RSPO2: variants seen among roughly 807,000 people sequenced by gnomAD.
The protein encoded by RSPO2 is R-spondin-2.
In RSPO2, 14 loss-of-function variants were observed where a neutral mutation model predicts 30.9. The ratio of observed to expected loss-of-function variants is 0.45; its 90% confidence interval spans 0.30 to 0.71. The LOEUF (loss-of-function observed/expected upper bound fraction) is 0.71, where lower values mean the gene tolerates loss of function less well. Ranked by LOEUF, RSPO2 falls within the 30% of genes least tolerant of loss-of-function variation. RSPO2 has a pLI of 0.08. For missense variants in RSPO2, 264 were observed against 301.9 expected (o/e 0.87, Z 0.93); for synonymous variants, 107 against 96.4 (o/e 1.11, Z -0.64).
At chr8:107,915,792 T>C (rs1447757561) in intron 5 of RSPO2, among the ~76,000 whole-genome samples, 2 of 152,140 alleles carry the variant, frequency 1.3e-5, no homozygotes, top group African/African-American at 4.8e-5. Flanking sequence ...TGTATTTTGC[T>C]AGGATGAAAA....
rs897481951 is a variant in RSPO2, at chr8:107,909,014, C to T, written c.617-7824G>A. Among the ~76,000 whole-genome samples, 5 of 152,248 alleles carry T rather than the reference C, an allele frequency of 3.3e-5. No homozygotes were observed. In the South Asian group the frequency reaches 6.2e-4, roughly 19 times the overall value. ...GGGTGAAAGCTGTTTGGTGGTGATT[C>T]CTGACAAGTTGGCCTTCCAGCACCA... is the stretch of plus-strand genomic sequence containing the variant. On this transcript the variant is annotated intron_variant, in intron 5 of 5. Transcript: ENST00000276659.
intron 2 of RSPO2, among the ~76,000 whole-genome samples, chr8:108,008,589 T>C (rs913165886): frequency 7.9e-5 from 12 of 152,174 alleles, no homozygotes; most frequent in Non-Finnish European, 5.9e-5. Flanking sequence ...GGCATAAAAA[T>C]ATTGATGTCA....
At chr8:108,025,621 G>GCTC (rs1160762450) in intron 2 of RSPO2, among the ~76,000 whole-genome samples, 1 of 152,006 alleles carries the variant, frequency 6.6e-6, no homozygotes, top group African/African-American at 2.4e-5. Context: ...AACCTCCTAG[G>GCTC]CTCTAGCAAT....
chr8:107,972,290 T>A (rs1814027396), intron 3 of RSPO2, among the ~76,000 whole-genome samples: 1 of 151,848 alleles, frequency 6.6e-6, no homozygotes, highest in Non-Finnish European at 1.5e-5. Flanking sequence ...GGATTACAGG[T>A]GCCTGCCACC....
intron 5 of RSPO2, among the ~76,000 whole-genome samples, chr8:107,921,393 T>A (rs1204345970): frequency 1.3e-5 from 2 of 152,082 alleles, no homozygotes; most frequent in African/African-American, 4.8e-5. Flanking sequence ...TAAGTTTCTG[T>A]ACTGTCTAGA....
chr8:108,082,012 C>G (rs1813214662), intron 2 of RSPO2: 1 of 691,352 alleles, frequency 1.4e-6, no homozygotes, highest in Non-Finnish European at 1.8e-6. Context: ...ACTTGGTACC[C>G]CTCCCAAGCT....
At chr8:108,069,261 T>G (rs1812768259) in intron 2 of RSPO2, among the ~76,000 whole-genome samples, 1 of 152,140 alleles carries the variant, frequency 6.6e-6, no homozygotes, top group Non-Finnish European at 1.5e-5. Context: ...TTGCCCAGGC[T>G]GGAGTGCAGT....
rs563089176 is a variant in RSPO2 at position 108,023,202 on chromosome 8, C to T, written c.95-33958G>A. 3.3e-5 allele frequency among the ~76,000 whole-genome samples: 5 copies of T among 152,264 alleles called. No individual in the cohort carries two copies. The East Asian group carries it at 7.7e-4, about 24-fold the overall frequency. On this transcript the variant is annotated intron_variant, in intron 2 of 5. Coordinates refer to ENST00000276659, the MANE Select transcript of RSPO2 (RefSeq NM_178565.5). ...GCTATTGGTTTACTCTTCAGAAATA[C>T]TAAGAACAATCTCTCTTCATAGTTA...
At chr8:107,956,995 G>A (rs1023003031) in intron 5 of RSPO2, among the ~76,000 whole-genome samples, 1 of 152,180 alleles carries the variant, frequency 6.6e-6, no homozygotes, top group Non-Finnish European at 1.5e-5. Flanking sequence ...ACTAATTCAA[G>A]AGGAAAAGCT....
chr8:107,923,783 C>G lies in RSPO2; in HGVS notation c.617-22593G>C, dbSNP rs921796641. Among the ~76,000 whole-genome samples, 8 of 152,124 alleles carry G rather than the reference C, an allele frequency of 5.3e-5. No individual in the cohort carries two copies. The South Asian group carries it at 8.3e-4, about 16-fold the overall frequency. On this transcript the variant is annotated intron_variant, in intron 5 of 5. Coordinates refer to ENST00000276659, the MANE Select transcript of RSPO2 (RefSeq NM_178565.5). Reference sequence around the variant, plus strand: ...GTCCTTTGCAAGAACAAGAGCATGTCCTTTGCAAGAACATGGTTGATGCTG... The same window carrying G: ...GTCCTTTGCAAGAACAAGAGCATGTGCTTTGCAAGAACATGGTTGATGCTG...
intron 5 of RSPO2, among the ~76,000 whole-genome samples, chr8:107,912,887 A>G (rs1252854702): frequency 1.3e-5 from 2 of 152,170 alleles, no homozygotes; most frequent in Non-Finnish European, 2.9e-5. Flanking sequence ...AATCAAATAA[A>G]TGTAAGTAGT....
At chr8:108,013,635 A>G (rs1267732601) in intron 2 of RSPO2, among the ~76,000 whole-genome samples, 2 of 152,212 alleles carry the variant, frequency 1.3e-5, no homozygotes, top group Non-Finnish European at 2.9e-5. Context: ...TGTTGGGAAA[A>G]CTGGGTAGCC....
chr8:107,967,425 T>C (rs770131789), intron 3 of RSPO2, among the ~76,000 whole-genome samples: 3 of 152,172 alleles, frequency 2.0e-5, no homozygotes, highest in Non-Finnish European at 4.4e-5. Flanking sequence ...GTAATTCCAC[T>C]AGACTATGTA....
chr8:107,972,523 A>T (rs1276474733), intron 3 of RSPO2, among the ~76,000 whole-genome samples: 4 of 152,146 alleles, frequency 2.6e-5, no homozygotes, highest in Non-Finnish European at 5.9e-5. Flanking sequence ...CTACATTTTC[A>T]AATTAGGCAC....
At chr8:108,003,605 T>C (rs1815355482) in intron 2 of RSPO2, among the ~76,000 whole-genome samples, 1 of 151,836 alleles carries the variant, frequency 6.6e-6, no homozygotes, top group Non-Finnish European at 1.5e-5. Flanking sequence ...CTATCCTTAC[T>C]CTAACAAGGT....
At chr8:108,023,859 G>C (rs1811124392) in intron 2 of RSPO2, among the ~76,000 whole-genome samples, 1 of 152,124 alleles carries the variant, frequency 6.6e-6, no homozygotes, top group South Asian at 2.1e-4. Flanking sequence ...GTGGTGGATG[G>C]AAAGAGTTAT....
At chr8:107,930,060 T>G (rs148760761) in intron 5 of RSPO2, among the ~76,000 whole-genome samples, 1 of 152,344 alleles carries the variant, frequency 6.6e-6, no homozygotes. Flanking sequence ...TATTCCTTAG[T>G]GGACTGACAT....
chr8:107,926,897 A>G (rs1812395014), intron 5 of RSPO2, among the ~76,000 whole-genome samples: 1 of 152,148 alleles, frequency 6.6e-6, no homozygotes, highest in African/African-American at 2.4e-5. Flanking sequence ...TTGGTTCCAT[A>G]TGAACTTTAA....
rs375721296 is a variant in RSPO2 at position 108,062,248 on chromosome 8, A to G, written c.94+20297T>C. Among the ~76,000 whole-genome samples, 5 of 151,868 alleles carry G rather than the reference A, an allele frequency of 3.3e-5. No individual in the cohort carries two copies. The South Asian group carries it at 8.3e-4, about 25-fold the overall frequency. The stretch of plus-strand genomic sequence containing the variant: ...TTCAAAAAAATCAATGAATCCAGGA[A>G]CTGGTTTTTTGAAAAGATCAACAAA... On this transcript the variant is annotated intron_variant, in intron 2 of 5. Coordinates refer to ENST00000276659, the MANE Select transcript of RSPO2 (RefSeq NM_178565.5).
Sources: allele counts gnomAD v4.1 joint callset (sites outside exome capture counted in the v4.1 genomes callset), GRCh38; gene constraint gnomAD v4.1.1; transcripts MANE v1.5; gene names NCBI Gene and HGNC (gene_info 2026-07-23, HGNC 2026-07-21).